KIAA0586: variants seen among roughly 807,000 people sequenced by gnomAD.
KIAA0586 encodes the protein KIAA0586, also known as protein TALPID3.
A neutral mutation model predicts 169.8 loss-of-function variants in KIAA0586; 144 were observed. The ratio of observed to expected loss-of-function variants is 0.85; its 90% CI spans 0.74 to 0.97. The LOEUF (loss-of-function observed/expected upper bound fraction) is 0.97, where lower values mean the gene tolerates loss of function less well. Ranked by LOEUF, KIAA0586 falls within the 50% of genes least tolerant of loss-of-function variation. KIAA0586 has a pLI of 0.00. For synonymous variants in KIAA0586, 625 were observed against 612.4 expected, an observed-to-expected ratio of 1.02 and a Z score of -0.30; for missense variants, 1,854 against 1,823.0, an observed-to-expected ratio of 1.02 and a Z score of -0.31.
intron 30 of KIAA0586, among the ~76,000 whole-genome samples, chr14:58,542,912 C>G (rs1299805750): frequency 6.6e-6 from 1 of 151,422 alleles, no homozygotes; most frequent in Non-Finnish European, 1.5e-5. Context: ...GAGGCCGAGG[C>G]AGGTGGATCA....
At chr14:58,494,674 A>G (rs1248282121) in intron 26 of KIAA0586, among the ~76,000 whole-genome samples, 1 of 152,012 alleles carries the variant, frequency 6.6e-6, no homozygotes, top group Non-Finnish European at 1.5e-5. Flanking sequence ...CCTGGTGATT[A>G]TTGTGTCTTT....
In KIAA0586 at chr14:58,460,975, T is replaced by C. The variant is rs1344938086; in HGVS notation, c.1885-11T>C. 4.5e-6 allele frequency: 7 copies of C among 1,563,604 alleles called. No homozygotes were observed. In the Admixed American group the frequency reaches 1.4e-4, roughly 32 times the overall value. ...GTTTTCATGGTGAGTTGAATAACTT[T>C]GTACACACAGGGGCTTTTGAAAGCA... is the stretch of plus-strand genomic sequence containing the variant. On this transcript the variant is annotated splice_polypyrimidine_tract_variant and intron_variant, in intron 13 of 30. Transcript: ENST00000652326.
intron 17 of KIAA0586, among the ~76,000 whole-genome samples, chr14:58,471,669 A>G (rs572880569): frequency 6.6e-6 from 1 of 152,256 alleles, no homozygotes; most frequent in Non-Finnish European, 1.5e-5. Flanking sequence ...CCTTCTGTTT[A>G]TTGAAACTTC....
At chr14:58,463,643 A>G (rs2140914816) in intron 14 of KIAA0586, among the ~76,000 whole-genome samples, 1 of 152,238 alleles carries the variant, frequency 6.6e-6, no homozygotes, top group South Asian at 2.1e-4. Flanking sequence ...CCTCAGCAAC[A>G]TAGCTAGATC....
chr14:58,449,744 A>G (rs894532541), intron 7 of KIAA0586, among the ~76,000 whole-genome samples: 6 of 152,168 alleles, frequency 3.9e-5, no homozygotes, highest in African/African-American at 1.2e-4. Context: ...CACTTTTTTC[A>G]TAACTCAATT....
chr14:58,512,473 TTAAG>T (rs1291787697), intron 28 of KIAA0586, 45 bp from the exon 29 acceptor site: 4 of 1,032,800 alleles, frequency 3.9e-6, no homozygotes, highest in African/African-American at 1.7e-5. Context: ...TCAGATTTTT[TTAAG>T]TAACTAAAAA....
intron 4 of KIAA0586, 68 bp from the exon 5 acceptor site, chr14:58,442,638 G>A (rs2038494830): frequency 1.7e-6 from 2 of 1,154,940 alleles, no homozygotes; most frequent in South Asian, 1.7e-5. Context: ...ATTACCATTT[G>A]TTAAGTATTT....
intron 4 of KIAA0586, among the ~76,000 whole-genome samples, chr14:58,438,519 C>T (rs1173631458): frequency 6.6e-6 from 1 of 152,078 alleles, no homozygotes; most frequent in Non-Finnish European, 1.5e-5. Flanking sequence ...CATTCCCAAC[C>T]CCAGGTTGCT....
chr14:58,453,562 G>T, intron 9 of KIAA0586, 89 bp downstream of exon 9: 1 of 844,872 alleles, frequency 1.2e-6, no homozygotes. Flanking sequence ...ATAAATTATA[G>T]CATTGCTTCT....
intron 30 of KIAA0586, among the ~76,000 whole-genome samples, chr14:58,540,802 GC>G (rs1216167916): frequency 6.6e-6 from 1 of 152,146 alleles, no homozygotes; most frequent in African/African-American, 2.4e-5. Flanking sequence ...ATTCTGGAAA[GC>G]AAAAGTAAAT....
intron 13 of KIAA0586, among the ~76,000 whole-genome samples, chr14:58,460,571 C>T (rs1215695611): frequency 6.6e-6 from 1 of 152,088 alleles, no homozygotes; most frequent in African/African-American, 2.4e-5. Context: ...TAATTCAATG[C>T]TTATACTTAG....
At position 58,461,065 on chromosome 14, in the gene KIAA0586, A is replaced by C. The variant is rs769913250; in HGVS notation, c.1964A>C (p.His655Pro). The change falls in exon 14 of 31, where the codon CAT becomes CCT. Residue 655 changes from histidine (H) to proline (P), a missense_variant. His to Pro is a moderately conservative substitution (Grantham distance 77). Coordinates refer to ENST00000652326, the MANE Select transcript of KIAA0586 (RefSeq NM_001329943.3). ...TATGGAAAGCCAGTTTATCAGGGCCATCGAAGCACTCTTAAAAAAGGACCA... is the reference window on the plus strand; with the variant it reads ...TATGGAAAGCCAGTTTATCAGGGCCCTCGAAGCACTCTTAAAAAAGGACCA... The part of the protein sequence containing the change: ...QVYGKPVYQG[H>P]RSTLKKGPYL... 6.2e-7 allele frequency: 1 copy of C among 1,612,524 alleles called. No homozygotes were observed. Among genetic ancestry groups the C allele is most frequent in the Admixed American group, 1.7e-5 (1 of 59,834 alleles).
At chr14:58,466,889 T>G (rs2140948907) in intron 15 of KIAA0586, among the ~76,000 whole-genome samples, 1 of 152,276 alleles carries the variant, frequency 6.6e-6, no homozygotes, top group South Asian at 2.1e-4. Context: ...GTGTGTAATC[T>G]AAGCCAATAG....
chr14:58,482,230 A>G (rs896255071), intron 20 of KIAA0586, among the ~76,000 whole-genome samples: 17 of 151,898 alleles, frequency 1.1e-4, no homozygotes, highest in African/African-American at 3.9e-4. Context: ...GTTCAAGACC[A>G]GCCTGGCCAA....
intron 21 of KIAA0586, among the ~76,000 whole-genome samples, chr14:58,483,866 A>G (rs1312186707): frequency 1.3e-5 from 2 of 152,190 alleles, no homozygotes; most frequent in African/African-American, 2.4e-5. Context: ...ATAAAGTTAT[A>G]TACTGTATTT....
chr14:58,479,744 A>T (rs1353023733), intron 20 of KIAA0586, among the ~76,000 whole-genome samples: 2 of 152,154 alleles, frequency 1.3e-5, no homozygotes, highest in Non-Finnish European at 2.9e-5. Flanking sequence ...GTTTTTTGGC[A>T]TATGGATATC....
In KIAA0586 at chr14:58,456,863, A is replaced by C. The variant is rs888876782; in HGVS notation, c.1362+53A>C. On this transcript the variant is annotated intron_variant, in intron 10 of 30. Transcript: ENST00000652326. ...TGATTAGTTAAGATAAAAATTAAAA[A>C]GGAATAAAAGAGTTATAAAGATAGA... 9.4e-6 allele frequency: 9 copies of C among 956,624 alleles called. No individual in the cohort carries two copies. In the African/African-American group the frequency reaches 1.2e-4, roughly 12 times the overall value. 59.3% of individuals were successfully genotyped at this position (956,624 alleles called of 1,614,324 possible).
At chr14:58,438,055 A>G (rs1003007850) in intron 4 of KIAA0586, among the ~76,000 whole-genome samples, 4 of 152,176 alleles carry the variant, frequency 2.6e-5, no homozygotes, top group African/African-American at 9.7e-5. Flanking sequence ...TGAAAAATAC[A>G]CTGAATTGAG....
At chr14:58,466,481 A>G (rs951061821) in intron 15 of KIAA0586, among the ~76,000 whole-genome samples, 1 of 152,122 alleles carries the variant, frequency 6.6e-6, no homozygotes, top group Non-Finnish European at 1.5e-5. Flanking sequence ...CATGCCTTTA[A>G]TCACAGTACT....
Sources: allele counts gnomAD v4.1 joint callset (sites outside exome capture counted in the v4.1 genomes callset), GRCh38; gene constraint gnomAD v4.1.1; transcripts MANE v1.5; gene names NCBI Gene and HGNC (gene_info 2026-07-23, HGNC 2026-07-21).